Variants in PARVA observed in about 807,000 individuals in gnomAD.
PARVA encodes the protein parvin alpha, also known as alpha-parvin.
Under a neutral mutation model 52.6 loss-of-function variants are expected in PARVA, and 25 were observed. The ratio of observed to expected loss-of-function variants is 0.48; its 90% CI spans 0.35 to 0.66. PARVA has a LOEUF of 0.66. Ranked by LOEUF, PARVA falls within the 30% of genes least tolerant of loss-of-function variation. The pLI is 0.01. For missense variants in PARVA, 373 were observed against 450.9 expected (o/e 0.83, Z 1.56); for synonymous variants, 185 against 179.1 (o/e 1.03, Z -0.26).
chr11:12,434,263 C>T (rs1348516427), intron 1 of PARVA, among the ~76,000 whole-genome samples: 4 of 152,194 alleles, frequency 2.6e-5, no homozygotes, highest in African/African-American at 7.2e-5. Context: ...CAGCCCTGCG[C>T]TCCCTGAGGG....
chr11:12,434,024 G>A (rs531239894), intron 1 of PARVA, among the ~76,000 whole-genome samples: 1 of 152,296 alleles, frequency 6.6e-6, no homozygotes, highest in Non-Finnish European at 1.5e-5. Flanking sequence ...GAGGCTGGCC[G>A]AGAATGAGCT....
At chr11:12,473,691 A>C in intron 1 of PARVA, 54 bp from the exon 2 acceptor site, 1 of 1,360,740 alleles carries the variant, frequency 7.3e-7, no homozygotes, top group Non-Finnish European at 1.0e-6. Context: ...ACAGAGCTCC[A>C]ACCCCCTGCC....
intron 1 of PARVA, among the ~76,000 whole-genome samples, chr11:12,380,914 AT>A (rs1939475674): frequency 6.6e-6 from 1 of 152,094 alleles, no homozygotes; most frequent in African/African-American, 2.4e-5. Flanking sequence ...CCTATCTTGG[AT>A]TTACTCAGTT....
At chr11:12,424,884 C>T (rs576854274) in intron 1 of PARVA, among the ~76,000 whole-genome samples, 3 of 152,172 alleles carry the variant, frequency 2.0e-5, no homozygotes, top group Non-Finnish European at 4.4e-5. Flanking sequence ...TCCCTATGTG[C>T]TAGCTCTGTC....
Position 12,528,103 on chromosome 11 carries a change from G to C in PARVA, c.*178G>C, listed in dbSNP as rs1941726090. 2.8e-5 allele frequency: 17 copies of C among 610,250 alleles called. No individual in the cohort carries two copies. In the East Asian group the frequency reaches 4.7e-4, roughly 17 times the overall value. 37.8% of individuals were successfully genotyped at this position (610,250 alleles called of 1,614,324 possible). A position where few individuals can be genotyped will look rare whatever the true frequency, so the allele number is the denominator to read the frequency against. On this transcript the variant is annotated 3_prime_UTR_variant, in exon 13 of 13. Transcript: ENST00000334956. ...GGAAGGAAATCATCAATAACTCAGT[G>C]GGCTGACCCATCCCTCCCAGGCGCT...
intron 1 of PARVA, among the ~76,000 whole-genome samples, chr11:12,380,654 C>G (rs1017534098): frequency 3.3e-5 from 5 of 150,672 alleles, no homozygotes; most frequent in Non-Finnish European, 7.4e-5. Context: ...CCTAGCAGAT[C>G]AACCTGTTAC....
chr11:12,526,606 C>T (rs1412671485), intron 12 of PARVA, among the ~76,000 whole-genome samples: 1 of 152,196 alleles, frequency 6.6e-6, no homozygotes, highest in Non-Finnish European at 1.5e-5. Context: ...CTCCCAAGAG[C>T]TCCCTTCAAC....
intron 4 of PARVA, among the ~76,000 whole-genome samples, chr11:12,495,133 G>T (rs967574937): frequency 6.6e-6 from 1 of 152,192 alleles, no homozygotes; most frequent in African/African-American, 2.4e-5. Flanking sequence ...GATGTAAGAA[G>T]AAGACATTTA....
chr11:12,498,907 G>C (rs916854909), intron 5 of PARVA, among the ~76,000 whole-genome samples: 1 of 152,056 alleles, frequency 6.6e-6, no homozygotes, highest in African/African-American at 2.4e-5. Context: ...GTTATTTTTC[G>C]CTTGATCTTA....
At chr11:12,475,372 C>G (rs1940997661) in intron 3 of PARVA, among the ~76,000 whole-genome samples, 1 of 152,202 alleles carries the variant, frequency 6.6e-6, no homozygotes, top group African/African-American at 2.4e-5. Flanking sequence ...GTTGTCGTCT[C>G]CACGTAATAT....
intron 1 of PARVA, among the ~76,000 whole-genome samples, chr11:12,438,745 T>C (rs1208448871): frequency 6.6e-6 from 1 of 152,162 alleles, no homozygotes; most frequent in Non-Finnish European, 1.5e-5. Context: ...ATTGTTCCCA[T>C]TCATAGTTGA....
intron 10 of PARVA, among the ~76,000 whole-genome samples, chr11:12,517,097 C>G (rs1941577457): frequency 6.6e-6 from 1 of 152,112 alleles, no homozygotes; most frequent in Non-Finnish European, 1.5e-5. Flanking sequence ...CCCTCTGTCC[C>G]ACTCTAGCCA....
chr11:12,393,499 T>C (rs1410610425), intron 1 of PARVA, among the ~76,000 whole-genome samples: 1 of 152,154 alleles, frequency 6.6e-6, no homozygotes, highest in Non-Finnish European at 1.5e-5. Flanking sequence ...TTTGATTGAG[T>C]TGTCTTCCAC....
intron 12 of PARVA, 100 bp from the exon 13 acceptor site, chr11:12,527,749 A>G: frequency 1.1e-6 from 1 of 871,874 alleles, no homozygotes; most frequent in Non-Finnish European, 2.0e-6. Flanking sequence ...CATGCTGGGT[A>G]CATGGGATTG....
intron 4 of PARVA, among the ~76,000 whole-genome samples, chr11:12,487,398 G>A (rs1484422859): frequency 3.9e-5 from 6 of 152,212 alleles, no homozygotes; most frequent in Admixed American, 3.3e-4. Context: ...GTAAAGTCAG[G>A]AAGGTGGCTT....
At chr11:12,387,122 GAAC>G (rs1319187280) in intron 1 of PARVA, among the ~76,000 whole-genome samples, 2 of 152,202 alleles carry the variant, frequency 1.3e-5, no homozygotes, top group East Asian at 1.9e-4. Flanking sequence ...ATGGAACAAA[GAAC>G]AACATTTGAG....
At chr11:12,454,661 C>T (rs1373024953) in intron 1 of PARVA, among the ~76,000 whole-genome samples, 2 of 152,064 alleles carry the variant, frequency 1.3e-5, no homozygotes, top group East Asian at 1.9e-4. Context: ...ACTACCAATG[C>T]ACCCAGCAGC....
At chr11:12,473,375 G>A (rs529084924) in intron 1 of PARVA, among the ~76,000 whole-genome samples, 3 of 152,280 alleles carry the variant, frequency 2.0e-5, no homozygotes, top group East Asian at 3.9e-4. Flanking sequence ...CACAGTCGCC[G>A]GGCACCAGAC....
intron 1 of PARVA, among the ~76,000 whole-genome samples, chr11:12,402,030 T>G (rs1208098780): frequency 2.6e-5 from 4 of 152,174 alleles, no homozygotes; most frequent in Non-Finnish European, 5.9e-5. Flanking sequence ...ATGTAAAGTG[T>G]TATAACCTCG....
Sources: allele counts gnomAD v4.1 joint callset (sites outside exome capture counted in the v4.1 genomes callset), GRCh38; gene constraint gnomAD v4.1.1; transcripts MANE v1.5; gene names NCBI Gene and HGNC (gene_info 2026-07-23, HGNC 2026-07-21).